The following RBMS1 variants were observed in gnomAD, a reference collection of about 807,000 sequenced individuals.
The protein encoded by RBMS1 is RNA binding motif single stranded interacting protein 1.
Under a neutral mutation model 62.3 loss-of-function variants are expected in RBMS1, and 17 were observed. That is an observed-to-expected ratio of 0.27 (90% CI 0.19 to 0.41). The LOEUF is 0.41. Among genes scored for constraint, RBMS1 ranks in the 10% least tolerant of loss-of-function variants. RBMS1 has a pLI of 1.00. For missense variants in RBMS1, 334 were observed against 504.5 expected, an observed-to-expected ratio of 0.66 and a Z score of 3.24; for synonymous variants, 172 against 170.0, an observed-to-expected ratio of 1.01 and a Z score of -0.09.
At chr2:160,320,623 A>T (rs1690504953) in intron 2 of RBMS1, among the ~76,000 whole-genome samples, 1 of 152,076 alleles carries the variant, frequency 6.6e-6, no homozygotes, top group African/African-American at 2.4e-5. Context: ...TTGTGCAAAG[A>T]GCCTGGTACC....
chr2:160,316,329 T>G (rs1690219251), intron 3 of RBMS1, among the ~76,000 whole-genome samples: 1 of 152,156 alleles, frequency 6.6e-6, no homozygotes, highest in African/African-American at 2.4e-5. Flanking sequence ...GGGAGGCTTG[T>G]GTGAAGCAGA....
Position 160,493,397 on chromosome 2 carries a change from G to A in RBMS1, c.-34C>T. On this transcript the variant is annotated 5_prime_UTR_variant, in exon 1 of 14. Transcript: ENST00000348849. The stretch of plus-strand genomic sequence containing the variant: ...AAGGGAGCCTGCCGTGCAGGGTCGC[G>A]GACACTTTGGGGTTTCCAAGTCTCG... 6.2e-7 allele frequency: 1 copy of A among 1,603,352 alleles called. No individual in the cohort carries two copies.
At chr2:160,327,880 C>A (rs544104418) in intron 2 of RBMS1, among the ~76,000 whole-genome samples, 2 of 152,216 alleles carry the variant, frequency 1.3e-5, no homozygotes, top group African/African-American at 4.8e-5. Context: ...TAGAAAGTGG[C>A]CTTCTATTTC....
intron 2 of RBMS1, among the ~76,000 whole-genome samples, chr2:160,332,831 T>TTA (rs1205525059): frequency 2.9e-4 from 43 of 150,042 alleles, no homozygotes; most frequent in Non-Finnish European, 4.7e-4. Flanking sequence ...TGACATGGTT[T>TTA]TATATATATA....
At chr2:160,430,098 G>T (rs73008318) in intron 1 of RBMS1, among the ~76,000 whole-genome samples, 3,407 of 152,332 alleles carry the variant, frequency 0.022, 110 homozygotes, top group African/African-American at 0.073. Context: ...GCATGTCAAT[G>T]AGGCCATCTT....
At chr2:160,295,502 C>T (rs971248227) in intron 6 of RBMS1, among the ~76,000 whole-genome samples, 2 of 152,204 alleles carry the variant, frequency 1.3e-5, no homozygotes, top group South Asian at 2.1e-4. Flanking sequence ...CCTGCAGTAA[C>T]GCTCTCAATG....
chr2:160,324,787 G>A (rs1690793192), intron 2 of RBMS1, among the ~76,000 whole-genome samples: 1 of 150,746 alleles, frequency 6.6e-6, no homozygotes, highest in Admixed American at 6.6e-5. Context: ...GACCTCGTGA[G>A]TTAATTCAGG....
intron 7 of RBMS1, among the ~76,000 whole-genome samples, chr2:160,285,753 T>C (rs1688352060): frequency 1.3e-5 from 2 of 151,938 alleles, no homozygotes; most frequent in Admixed American, 6.6e-5. Flanking sequence ...ATATTATAAA[T>C]ATAAACCCCT....
chr2:160,373,495 T>A (rs1693840406), intron 1 of RBMS1, among the ~76,000 whole-genome samples: 1 of 152,210 alleles, frequency 6.6e-6, no homozygotes, highest in Admixed American at 6.5e-5. Context: ...GCCCAATTGT[T>A]CTATTTCCTT....
intron 1 of RBMS1, among the ~76,000 whole-genome samples, chr2:160,450,575 A>AAAC (rs1287158845): frequency 6.7e-6 from 1 of 150,046 alleles, no homozygotes; most frequent in Non-Finnish European, 1.5e-5. Context: ...AAAAAAAAAA[A>AAAC]AAAACAAAAA....
intron 1 of RBMS1, among the ~76,000 whole-genome samples, chr2:160,468,769 T>C (rs1463442943): frequency 6.6e-6 from 1 of 152,230 alleles, no homozygotes; most frequent in Admixed American, 6.5e-5. Context: ...ATCCATTAAT[T>C]CAACTTTGAA....
intron 4 of RBMS1, among the ~76,000 whole-genome samples, chr2:160,305,425 A>G (rs1295795342): frequency 6.6e-6 from 1 of 152,240 alleles, no homozygotes; most frequent in Non-Finnish European, 1.5e-5. Flanking sequence ...AGTATTCAGT[A>G]CAGTAAGATG....
chr2:160,378,009 T>C (rs1452391075), intron 1 of RBMS1, among the ~76,000 whole-genome samples: 2 of 152,208 alleles, frequency 1.3e-5, no homozygotes, highest in African/African-American at 4.8e-5. Context: ...ATTGATATGC[T>C]AGACCTGTTA....
chr2:160,368,232 G>A (rs750060972), intron 1 of RBMS1, among the ~76,000 whole-genome samples: 9 of 152,284 alleles, frequency 5.9e-5, no homozygotes, highest in South Asian at 4.1e-4. Context: ...AAAAGGGCAC[G>A]TAACCCCAAG....
intron 2 of RBMS1, among the ~76,000 whole-genome samples, chr2:160,328,467 A>T (rs1381533033): frequency 2.0e-5 from 3 of 151,982 alleles, no homozygotes; most frequent in Non-Finnish European, 4.4e-5. Flanking sequence ...AATAAAATAT[A>T]AACATGTAAT....
At chr2:160,304,320 G>A (rs1413567753) in intron 4 of RBMS1, among the ~76,000 whole-genome samples, 1 of 152,202 alleles carries the variant, frequency 6.6e-6, no homozygotes, top group African/African-American at 2.4e-5. Context: ...TCTTGCCAGA[G>A]CTGCAAAATG....
chr2:160,377,561 A>G (rs1025584624), intron 1 of RBMS1, among the ~76,000 whole-genome samples: 3 of 152,210 alleles, frequency 2.0e-5, no homozygotes, highest in African/African-American at 7.2e-5. Context: ...AGCTGCATCT[A>G]TTCACACAGT....
chr2:160,450,670 C>G (rs1426517549), intron 1 of RBMS1, among the ~76,000 whole-genome samples: 5 of 150,620 alleles, frequency 3.3e-5, no homozygotes, highest in Admixed American at 2.6e-4. Context: ...TCATTACAAG[C>G]TGAGATATCA....
chr2:160,393,860 C>T (rs1694997169), intron 1 of RBMS1, among the ~76,000 whole-genome samples: 1 of 151,982 alleles, frequency 6.6e-6, no homozygotes, highest in Non-Finnish European at 1.5e-5. Flanking sequence ...TCTCTGGGTT[C>T]TAGTCCTGGT....
Sources: gnomAD v4.1 joint callset for allele counts (sites outside exome capture counted in the v4.1 genomes callset) on GRCh38, gnomAD v4.1.1 for gene constraint, MANE v1.5 for transcripts, NCBI Gene and HGNC (gene_info 2026-07-23, HGNC 2026-07-21) for gene names.